Variants in AMPH observed in about 807,000 individuals in gnomAD.
AMPH encodes the protein amphiphysin (Stiff-Mann syndrome with breast cancer 128kD autoantigen).
Under a neutral mutation model 99.1 loss-of-function variants are expected in AMPH, and 49 were observed. The ratio of observed to expected loss-of-function variants is 0.49; its 90% CI spans 0.39 to 0.63. The LOEUF (loss-of-function observed/expected upper bound fraction) is 0.63. Ranked by LOEUF, AMPH falls within the 20% of genes least tolerant of loss-of-function variation. The probability of loss-of-function intolerance (pLI) is 0.00; values close to 1 mark genes in which losing one functional copy is unlikely to be tolerated. For synonymous variants in AMPH, 314 were observed against 317.3 expected, an observed-to-expected ratio of 0.99 and a Z score of 0.11; for missense variants, 759 against 863.4, an observed-to-expected ratio of 0.88 and a Z score of 1.52.
At chr7:38,602,576 T>C (rs1793286229) in intron 1 of AMPH, among the ~76,000 whole-genome samples, 1 of 152,212 alleles carries the variant, frequency 6.6e-6, no homozygotes. Flanking sequence ...TTCTTGCTTT[T>C]ATAGCAATCC....
intron 1 of AMPH, among the ~76,000 whole-genome samples, chr7:38,541,019 A>C (rs1790790494): frequency 8.7e-4 from 1 of 1,152 alleles, no homozygotes. Context: ...TCTGTTCTTA[A>C]AAAAAAAAAA....
intron 1 of AMPH, among the ~76,000 whole-genome samples, chr7:38,543,170 T>C (rs569645634): frequency 1.1e-4 from 17 of 151,930 alleles, no homozygotes; most frequent in Admixed American, 9.2e-4. Flanking sequence ...GGCAGGAGGA[T>C]TGCTTGAGCC....
chr7:38,572,458 T>C (rs1354986222), intron 1 of AMPH, among the ~76,000 whole-genome samples: 1 of 152,134 alleles, frequency 6.6e-6, no homozygotes, highest in Non-Finnish European at 1.5e-5. Context: ...TTTCTCCTCA[T>C]TTTACCCTCA....
intron 1 of AMPH, among the ~76,000 whole-genome samples, chr7:38,601,646 T>C (rs1793250554): frequency 1.3e-5 from 2 of 152,178 alleles, no homozygotes; most frequent in South Asian, 2.1e-4. Flanking sequence ...ATTAACATAG[T>C]CGTATTTTTC....
chr7:38,609,126 C>T (rs1023184687), intron 1 of AMPH, among the ~76,000 whole-genome samples: 1 of 152,020 alleles, frequency 6.6e-6, no homozygotes, highest in African/African-American at 2.4e-5. Context: ...GAGGGAGGGG[C>T]CAGTTGCTGA....
intron 17 of AMPH, among the ~76,000 whole-genome samples, chr7:38,404,458 C>T (rs1335825418): frequency 3.3e-5 from 5 of 152,154 alleles, no homozygotes; most frequent in Non-Finnish European, 7.3e-5. Flanking sequence ...TCAGTTCATA[C>T]ACCCAATATA....
chr7:38,625,727 AAG>A (rs1281272868), intron 1 of AMPH, among the ~76,000 whole-genome samples: 5 of 152,228 alleles, frequency 3.3e-5, no homozygotes, highest in African/African-American at 4.8e-5. Flanking sequence ...CATCAGGGAA[AAG>A]AGAGTAAAGT....
chr7:38,409,194 A>G (rs1183969726), intron 17 of AMPH, among the ~76,000 whole-genome samples: 1 of 152,220 alleles, frequency 6.6e-6, no homozygotes, highest in Non-Finnish European at 1.5e-5. Context: ...GAGAATAAAT[A>G]CAGCGGGAAT....
intron 3 of AMPH, among the ~76,000 whole-genome samples, chr7:38,502,164 A>G (rs540901358): frequency 1.3e-5 from 2 of 152,222 alleles, no homozygotes; most frequent in Non-Finnish European, 2.9e-5. Flanking sequence ...TTTAAAAAAC[A>G]TATTAAGTTT....
intron 9 of AMPH, among the ~76,000 whole-genome samples, chr7:38,463,512 A>G (rs1046470517): frequency 3.3e-5 from 5 of 152,326 alleles, no homozygotes; most frequent in African/African-American, 1.2e-4. Flanking sequence ...CATAAGCTGA[A>G]TTGATTTTAC....
chr7:38,525,271 TATATATAG>T (rs1214173018), intron 2 of AMPH, among the ~76,000 whole-genome samples: 921 of 71,286 alleles, frequency 0.013, 6 homozygotes, highest in Non-Finnish European at 0.018. Context: ...TATATATATA[TATATATAG>T]AGAGAGAGAG....
intron 2 of AMPH, among the ~76,000 whole-genome samples, chr7:38,504,636 G>A (rs117325199): frequency 3.3e-5 from 5 of 152,264 alleles, no homozygotes; most frequent in East Asian, 3.9e-4. Flanking sequence ...AAGCTGAGGC[G>A]TTTATCCAAT....
intron 2 of AMPH, among the ~76,000 whole-genome samples, chr7:38,513,193 C>T (rs933032115): frequency 6.6e-6 from 1 of 152,050 alleles, no homozygotes; most frequent in Non-Finnish European, 1.5e-5. Context: ...AATAATATTA[C>T]CAAGGAGAGT....
intron 11 of AMPH, among the ~76,000 whole-genome samples, chr7:38,455,977 C>T (rs1320300074): frequency 1.3e-5 from 2 of 152,324 alleles, no homozygotes; most frequent in Admixed American, 1.3e-4. Context: ...GAGAAAACTG[C>T]ACTCCCCACA....
At chr7:38,464,306 T>C (rs1787567609) in intron 9 of AMPH, among the ~76,000 whole-genome samples, 2 of 152,220 alleles carry the variant, frequency 1.3e-5, no homozygotes, top group African/African-American at 4.8e-5. Context: ...ATTCCAATTC[T>C]TCCTTCGTGC....
At position 38,516,962 on chromosome 7, in the gene AMPH, A is replaced by T. The variant is rs557894001; in HGVS notation, c.151-13258T>A. On this transcript the variant is annotated intron_variant, in intron 2 of 20. Coordinates refer to ENST00000356264, the MANE Select transcript of AMPH (RefSeq NM_001635.4). ...CATAGCCCCTTTTTTTGATCAATTT[A>T]TCCCTTTTGGAATGGATATATTTAC... Among the ~76,000 whole-genome samples the T allele has an allele frequency of 1.4e-4, 22 of 152,176 alleles. No homozygotes were observed. The East Asian group carries it at 4.1e-3, about 28-fold the overall frequency.
chr7:38,447,483 T>G (rs968912172), intron 11 of AMPH, among the ~76,000 whole-genome samples: 4 of 152,214 alleles, frequency 2.6e-5, no homozygotes. Flanking sequence ...GGGCATCATT[T>G]TTATAAGCAT....
intron 1 of AMPH, among the ~76,000 whole-genome samples, chr7:38,562,828 T>C (rs934901709): frequency 2.0e-5 from 3 of 152,204 alleles, no homozygotes; most frequent in African/African-American, 7.2e-5. Context: ...TGTGTCTTCA[T>C]ACTTATTTTT....
chr7:38,410,884 T>C (rs1584054316), intron 17 of AMPH, among the ~76,000 whole-genome samples: 3 of 152,220 alleles, frequency 2.0e-5, no homozygotes, highest in Admixed American at 2.0e-4. Context: ...TTTCAACTCC[T>C]CAGCCACAAA....
Sources: gnomAD v4.1 joint callset for allele counts (sites outside exome capture counted in the v4.1 genomes callset) on GRCh38, gnomAD v4.1.1 for gene constraint, MANE v1.5 for transcripts, NCBI Gene and HGNC (gene_info 2026-07-23, HGNC 2026-07-21) for gene names.